SLC39A9: variants seen among roughly 807,000 people sequenced by gnomAD.
SLC39A9 encodes solute carrier family 39 member 9, also known as zinc transporter ZIP9.
SLC39A9 carries 14 observed loss-of-function variants against 28.4 expected under a neutral mutation model. The observed-to-expected ratio is 0.49, with a 90% CI of 0.33 to 0.77. The LOEUF (loss-of-function observed/expected upper bound fraction) is 0.77. Ranked by LOEUF, SLC39A9 falls within the 30% of genes least tolerant of loss-of-function variation. The pLI is 0.02. For synonymous variants in SLC39A9, 119 were observed against 149.6 expected (o/e 0.80, Z 1.49); for missense variants, 283 against 381.1 (o/e 0.74, Z 2.14).
chr14:69,439,110 CA>C (rs1401909384), intron 2 of SLC39A9, among the ~76,000 whole-genome samples: 4 of 152,044 alleles, frequency 2.6e-5, no homozygotes, highest in African/African-American at 9.7e-5. Flanking sequence ...AATCAGCATA[CA>C]AATATCAGTT....
At chr14:69,411,779 G>T (rs939081623) in intron 1 of SLC39A9, among the ~76,000 whole-genome samples, 1 of 148,672 alleles carries the variant, frequency 6.7e-6, no homozygotes, top group African/African-American at 2.5e-5. Context: ...ATCAGGTAAA[G>T]AATTTTTTTT....
rs541727094 is a variant in SLC39A9 at position 69,435,689 on chromosome 14, T to C, written c.206-6380T>C. ...TCCAGTCTACTATTTTCTTTTTTTT[T>C]TGAGACAGGGTCTTGCTCTTTTGCC... On this transcript the variant is annotated intron_variant, in intron 2 of 6. Coordinates refer to ENST00000336643, the MANE Select transcript of SLC39A9 (RefSeq NM_018375.5). 3.9e-5 allele frequency among the ~76,000 whole-genome samples: 6 copies of C among 152,302 alleles called. No individual in the cohort carries two copies. The East Asian group carries it at 9.7e-4, about 25-fold the overall frequency.
intron 1 of SLC39A9, among the ~76,000 whole-genome samples, chr14:69,416,027 C>T (rs988141437): frequency 6.6e-5 from 10 of 152,052 alleles, no homozygotes; most frequent in African/African-American, 1.4e-4. Flanking sequence ...CCCATTAACT[C>T]GCCATTTACA....
At chr14:69,419,512 T>C (rs963541835) in intron 1 of SLC39A9, among the ~76,000 whole-genome samples, 2 of 152,226 alleles carry the variant, frequency 1.3e-5, no homozygotes, top group African/African-American at 4.8e-5. Context: ...AGATGTCTAT[T>C]AGGTTGGCTT....
At chr14:69,440,650 G>T (rs570381662) in intron 2 of SLC39A9, among the ~76,000 whole-genome samples, 32 of 152,142 alleles carry the variant, frequency 2.1e-4, no homozygotes, top group Non-Finnish European at 3.8e-4. Flanking sequence ...TTGTAAGGTT[G>T]GATATTATTT....
intron 1 of SLC39A9, among the ~76,000 whole-genome samples, chr14:69,404,800 C>G (rs1374631007): frequency 6.6e-6 from 1 of 151,558 alleles, no homozygotes; most frequent in African/African-American, 2.4e-5. Flanking sequence ...CTTCATTATA[C>G]TTACTCTCAT....
At chr14:69,412,206 G>A (rs959426240) in intron 1 of SLC39A9, among the ~76,000 whole-genome samples, 5 of 151,426 alleles carry the variant, frequency 3.3e-5, no homozygotes, top group Admixed American at 2.0e-4. Flanking sequence ...TGGCTAACAC[G>A]GTGAAATCCT....
chr14:69,425,213 C>T (rs1427337048), intron 2 of SLC39A9, among the ~76,000 whole-genome samples: 2 of 152,128 alleles, frequency 1.3e-5, no homozygotes, highest in African/African-American at 4.8e-5. Flanking sequence ...GATTTACATG[C>T]ACTATTGCAC....
chr14:69,442,497 TGGTTGAGAGTCTAG>T (rs1295583384), intron 3 of SLC39A9, among the ~76,000 whole-genome samples: 2 of 152,236 alleles, frequency 1.3e-5, no homozygotes, highest in East Asian at 3.8e-4. Flanking sequence ...TTGTCACATT[TGGTTGAGAGTCTAG>T]GGCAGAAGTT....
At chr14:69,442,928 C>A (rs559004144) in intron 3 of SLC39A9, among the ~76,000 whole-genome samples, 1 of 152,058 alleles carries the variant, frequency 6.6e-6, no homozygotes, top group Non-Finnish European at 1.5e-5. Context: ...TCTTGATTTA[C>A]AAAGGTATTT....
At chr14:69,423,394 T>C (rs1884004882) in intron 1 of SLC39A9, among the ~76,000 whole-genome samples, 1 of 152,228 alleles carries the variant, frequency 6.6e-6, no homozygotes, top group African/African-American at 2.4e-5. Flanking sequence ...ACAGTGGTCA[T>C]CTTTGCACAA....
intron 2 of SLC39A9, among the ~76,000 whole-genome samples, chr14:69,424,566 C>G (rs1330752879): frequency 6.6e-6 from 1 of 151,272 alleles, no homozygotes; most frequent in Non-Finnish European, 1.5e-5. Context: ...ATTTAAGGAC[C>G]CTTTACAGTA....
intron 1 of SLC39A9, among the ~76,000 whole-genome samples, chr14:69,401,119 CACT>C (rs1191036214): frequency 6.6e-6 from 1 of 152,130 alleles, no homozygotes; most frequent in Non-Finnish European, 1.5e-5. Context: ...AGTTCGTAGC[CACT>C]AAGCATTTCG....
At chr14:69,447,633 T>G (rs1430827242) in intron 3 of SLC39A9, among the ~76,000 whole-genome samples, 4 of 152,144 alleles carry the variant, frequency 2.6e-5, no homozygotes, top group Non-Finnish European at 4.4e-5. Context: ...TAAACTGGGC[T>G]GGATGCAGTG....
intron 1 of SLC39A9, among the ~76,000 whole-genome samples, chr14:69,423,047 G>A (rs544923670): frequency 5.9e-5 from 9 of 152,148 alleles, no homozygotes; most frequent in Middle Eastern, 3.4e-3. Context: ...TTTTTTCATC[G>A]TATGAGTAAT....
At chr14:69,415,727 A>G (rs1007585548) in intron 1 of SLC39A9, among the ~76,000 whole-genome samples, 36 of 152,104 alleles carry the variant, frequency 2.4e-4, no homozygotes, top group South Asian at 1.2e-3. Flanking sequence ...CCCTTTTTCA[A>G]TAGATACCTA....
chr14:69,425,159 C>T (rs556130033), intron 2 of SLC39A9, among the ~76,000 whole-genome samples: 8 of 152,174 alleles, frequency 5.3e-5, no homozygotes, highest in African/African-American at 1.9e-4. Flanking sequence ...GCAGTGGTCT[C>T]TACTTTTTTT....
chr14:69,422,804 G>A (rs942999648), intron 1 of SLC39A9, among the ~76,000 whole-genome samples: 3 of 152,022 alleles, frequency 2.0e-5, no homozygotes, highest in East Asian at 1.9e-4. Context: ...GGCTGGTCTC[G>A]AACTCCTGAC....
chr14:69,458,455 C>G lies in SLC39A9; in HGVS notation c.786C>G (p.Val262=). The change falls in exon 7 of 7, where the codon GTC becomes GTG. Residue 262 remains valine, a synonymous_variant. Transcript: ENST00000336643. ...TTCTTTATGTTGCCACAGTACATGT[C>G]CTCCCTGAGGTGGGCGGAATAGGGC... is the stretch of plus-strand genomic sequence containing the variant. ...GTFLYVATVH[V]LPEVGGIGHS... The G allele has an allele frequency of 6.2e-7, 1 of 1,614,252 alleles. No individual in the cohort carries two copies. The highest frequency in any genetic ancestry group is 8.5e-7 in the Non-Finnish European group (1 of 1,180,052).
Sources: gnomAD v4.1 joint callset for allele counts (sites outside exome capture counted in the v4.1 genomes callset) on GRCh38, gnomAD v4.1.1 for gene constraint, MANE v1.5 for transcripts, NCBI Gene and HGNC (gene_info 2026-07-23, HGNC 2026-07-21) for gene names.